The following ZFYVE1 variants were observed in gnomAD, a reference collection of about 807,000 sequenced individuals.
The protein encoded by ZFYVE1 is zinc finger FYVE-type containing 1.
Under a neutral mutation model 74.4 loss-of-function variants are expected in ZFYVE1, and 30 were observed. The ratio of observed to expected loss-of-function variants is 0.40; its 90% CI spans 0.30 to 0.55. ZFYVE1 has a LOEUF of 0.55. Among genes scored for constraint, ZFYVE1 ranks in the 20% least tolerant of loss-of-function variants. The pLI is 0.42. For synonymous variants in ZFYVE1, 335 were observed against 385.1 expected (o/e 0.87, Z 1.52); for missense variants, 703 against 1,011.6 (o/e 0.69, Z 4.14).
At chr14:73,023,976 C>T (rs771474758) in intron 2 of ZFYVE1, 50 bp downstream of exon 2, 10 of 1,575,858 alleles carry the variant, frequency 6.3e-6, no homozygotes, top group Non-Finnish European at 8.6e-7. Flanking sequence ...TGGCTTCCAA[C>T]AACAGATCTG....
rs1348680506 is a variant in ZFYVE1 at position 72,975,367 on chromosome 14, A to T, written c.1806+184T>A. Among the ~76,000 whole-genome samples, 1 of 152,216 alleles carries T rather than the reference A, an allele frequency of 6.6e-6. No individual in the cohort carries two copies. Among genetic ancestry groups the T allele is most frequent in the Non-Finnish European group, 1.5e-5 (1 of 68,044 alleles). ...AATACTTGCAGGAAAACACGAAGGGAAATCAATGGGCAAAGAGAAACTGGC... is the reference window on the plus strand; with the variant it reads ...AATACTTGCAGGAAAACACGAAGGGTAATCAATGGGCAAAGAGAAACTGGC... On this transcript the variant is annotated intron_variant, in intron 9 of 11. Transcript: ENST00000556143. The surrounding 1 kb of genome is among the most constrained non-coding windows in gnomAD (Gnocchi z 4.1).
chr14:73,009,709 T>C (rs1372296163), intron 2 of ZFYVE1, among the ~76,000 whole-genome samples: 1 of 152,064 alleles, frequency 6.6e-6, no homozygotes, highest in African/African-American at 2.4e-5. Context: ...TGAATGGAGA[T>C]TGCACCACTG....
At chr14:72,997,739 C>T (rs1893779516) in intron 3 of ZFYVE1, 72 bp downstream of exon 3, 1 of 1,501,138 alleles carries the variant, frequency 6.7e-7, no homozygotes, top group South Asian at 1.4e-5. Flanking sequence ...CAACAAGTTG[C>T]TATTGCAGAC....
intron 3 of ZFYVE1, among the ~76,000 whole-genome samples, chr14:72,993,636 T>C (rs1594846629): frequency 6.6e-6 from 1 of 151,458 alleles, no homozygotes; most frequent in East Asian, 2.0e-4. Flanking sequence ...GAGGCGAAGG[T>C]TGCAGTAAGC....
At position 72,985,749 on chromosome 14, in the gene ZFYVE1, TA is replaced by T. The variant is rs111464416; in HGVS notation, c.1204-3855del. Among the ~76,000 whole-genome samples the T allele has an allele frequency of 2.3e-3, 336 of 143,416 alleles. 1 individual carries two copies. The highest frequency in any genetic ancestry group is 4.8e-3 in the Admixed American group (68 of 14,288). 94.1% of individuals were successfully genotyped at this position (143,416 alleles called of 152,430 possible). A position where few individuals can be genotyped will look rare whatever the true frequency, so the allele number is the denominator to read the frequency against. ...ACACCAAAGAATAGCAATTATTATT[TA>T]AAAAAAAAAAAAGAATAGCAAATTA... is the stretch of plus-strand genomic sequence containing the variant. On this transcript the variant is annotated intron_variant, in intron 4 of 11. Transcript: ENST00000556143.
intron 4 of ZFYVE1, among the ~76,000 whole-genome samples, chr14:72,991,023 G>A (rs1356233115): frequency 1.3e-5 from 2 of 151,804 alleles, no homozygotes; most frequent in South Asian, 2.1e-4. Context: ...CATTTTAATC[G>A]CAGAAAGCTT....
intron 2 of ZFYVE1, among the ~76,000 whole-genome samples, chr14:73,009,291 T>C (rs913660104): frequency 2.0e-4 from 31 of 152,194 alleles, no homozygotes; most frequent in African/African-American, 6.0e-4. Flanking sequence ...ATCTACTTCA[T>C]AGGATTTCTG....
At chr14:73,011,618 C>T (rs1894093453) in intron 2 of ZFYVE1, among the ~76,000 whole-genome samples, 1 of 151,548 alleles carries the variant, frequency 6.6e-6, no homozygotes, top group Non-Finnish European at 1.5e-5. Flanking sequence ...CTCCCAGGTT[C>T]AAGCGATTCT....
chr14:72,994,944 G>A (rs900540235), intron 3 of ZFYVE1, among the ~76,000 whole-genome samples: 1 of 152,190 alleles, frequency 6.6e-6, no homozygotes, highest in African/African-American at 2.4e-5. Flanking sequence ...CAATGTATAA[G>A]GGTATTTGCT....
chr14:73,012,271 A>G (rs1394643437), intron 2 of ZFYVE1, among the ~76,000 whole-genome samples: 1 of 152,028 alleles, frequency 6.6e-6, no homozygotes, highest in Non-Finnish European at 1.5e-5. Flanking sequence ...AGTGCACCCA[A>G]TGACCTACCA....
rs776948127 is a variant in ZFYVE1 at position 73,023,981 on chromosome 14, G to A, written c.483+45C>T. The A allele has an allele frequency of 1.9e-5, 30 of 1,586,320 alleles. No homozygotes were observed. In the South Asian group the frequency reaches 3.3e-4, roughly 18 times the overall value. ...TTTTGAGAGCTGGCTTCCAACAACA[G>A]ATCTGCTCCACTACACATGAATCCC... is the stretch of plus-strand genomic sequence containing the variant. On this transcript the variant is annotated intron_variant, in intron 2 of 11. Coordinates refer to ENST00000556143, the MANE Select transcript of ZFYVE1 (RefSeq NM_021260.4).
chr14:73,003,710 G>GAA (rs764168409), intron 2 of ZFYVE1, among the ~76,000 whole-genome samples: 11 of 144,124 alleles, frequency 7.6e-5, no homozygotes, highest in African/African-American at 1.0e-4. Flanking sequence ...ACTCTAACTG[G>GAA]AAAAAAAAAA....
chr14:72,985,006 C>G (rs1317319901), intron 4 of ZFYVE1, among the ~76,000 whole-genome samples: 1 of 152,214 alleles, frequency 6.6e-6, no homozygotes, highest in Non-Finnish European at 1.5e-5. Context: ...CCTCTCCTGG[C>G]CCTGCCCTTG....
chr14:73,016,711 G>A (rs539853309), intron 2 of ZFYVE1, among the ~76,000 whole-genome samples: 5 of 148,180 alleles, frequency 3.4e-5, no homozygotes, highest in East Asian at 2.1e-4. Context: ...GTGAAACCTC[G>A]TCTCTACTAA....
intron 2 of ZFYVE1, among the ~76,000 whole-genome samples, chr14:73,004,326 G>C (rs539075657): frequency 6.6e-6 from 1 of 152,032 alleles, no homozygotes; most frequent in Admixed American, 6.6e-5. Flanking sequence ...ACTCTGTCGC[G>C]ACTCTTTACA....
chr14:73,023,979 C>G, intron 2 of ZFYVE1, 47 bp downstream of exon 2: 1 of 1,577,782 alleles, frequency 6.3e-7, no homozygotes, highest in Non-Finnish European at 8.6e-7. Context: ...CTTCCAACAA[C>G]AGATCTGCTC....
At chr14:73,006,380 G>C (rs1371173274) in intron 2 of ZFYVE1, among the ~76,000 whole-genome samples, 1 of 151,904 alleles carries the variant, frequency 6.6e-6, no homozygotes, top group Non-Finnish European at 1.5e-5. Flanking sequence ...TTCGAGACCA[G>C]CCTGGCCAAC....
chr14:73,000,650 G>A (rs1180382917), intron 2 of ZFYVE1, among the ~76,000 whole-genome samples: 1 of 151,402 alleles, frequency 6.6e-6, no homozygotes, highest in Non-Finnish European at 1.5e-5. Flanking sequence ...AGGATGTACA[G>A]AATCACAATG....
At chr14:72,971,816 C>T (rs547889123) in intron 11 of ZFYVE1, among the ~76,000 whole-genome samples, 8 of 152,252 alleles carry the variant, frequency 5.3e-5, no homozygotes, top group Middle Eastern at 3.4e-3. Context: ...ACTGAAGGGG[C>T]AGCCGTGTTA....
Sources: gnomAD v4.1 joint callset for allele counts (sites outside exome capture counted in the v4.1 genomes callset) on GRCh38, gnomAD v4.1.1 for gene constraint, Gnocchi (gnomAD v3.1) non-coding constraint, MANE v1.5 for transcripts, NCBI Gene and HGNC (gene_info 2026-07-23, HGNC 2026-07-21) for gene names.